SESTD1: variants seen among roughly 807,000 people sequenced by gnomAD.
SESTD1 encodes SEC14 and spectrin domain containing 1, also known as SEC14 domain and spectrin repeat-containing protein 1.
In SESTD1, 43 loss-of-function variants were observed where a neutral mutation model predicts 101.7. That is an observed-to-expected ratio of 0.42 (90% confidence interval 0.33 to 0.55). The LOEUF is 0.55. Ranked by LOEUF, SESTD1 falls within the 20% of genes least tolerant of loss-of-function variation. The pLI is 0.07. For synonymous variants in SESTD1, 283 were observed against 286.8 expected (o/e 0.99, Z 0.13); for missense variants, 647 against 815.1 (o/e 0.79, Z 2.51).
chr2:179,253,582 TA>T (rs1037873784), intron 1 of SESTD1, among the ~76,000 whole-genome samples: 13 of 151,996 alleles, frequency 8.6e-5, no homozygotes, highest in Non-Finnish European at 1.3e-4. Flanking sequence ...TTCCAAGAAG[TA>T]AAAAAAGTAA....
chr2:179,176,559 A>G (rs1300805636), intron 3 of SESTD1, 21 bp from the exon 4 acceptor site: 9 of 1,593,636 alleles, frequency 5.6e-6, no homozygotes, highest in African/African-American at 1.3e-5. Context: ...ATAAAATTAC[A>G]AAGCATTAAA....
intron 10 of SESTD1, among the ~76,000 whole-genome samples, chr2:179,128,890 A>C (rs1022820370): frequency 6.6e-6 from 1 of 152,186 alleles, no homozygotes; most frequent in Admixed American, 6.5e-5. Context: ...AAAAAACACC[A>C]ATATATGGGA....
chr2:179,216,997 G>A (rs1234223512), intron 1 of SESTD1, among the ~76,000 whole-genome samples: 1 of 151,796 alleles, frequency 6.6e-6, no homozygotes, highest in Non-Finnish European at 1.5e-5. Flanking sequence ...ATGGATTAAA[G>A]ACTTAAATGT....
rs931503102 is a variant in SESTD1, at chr2:179,106,238, G to C, written c.*3661C>G. ...AATATACTTAATGGTGCTTGTTTCT[G>C]CCTGTACCATTCCCTATAGGCTGAA... On this transcript the variant is annotated 3_prime_UTR_variant, in exon 18 of 18. Coordinates refer to ENST00000428443, the MANE Select transcript of SESTD1 (RefSeq NM_178123.5). The C allele has an allele frequency of 3.3e-5, 5 of 152,104 alleles. No homozygotes were observed. Among genetic ancestry groups the C allele is most frequent in the Admixed American group, 3.3e-4 (5 of 15,266 alleles). 9.4% of individuals were successfully genotyped at this position (152,104 alleles called of 1,614,324 possible).
rs764104779 is a variant in SESTD1 at position 179,151,320 on chromosome 2, C to G, written c.441G>C (p.Gly147=). The change falls in exon 6 of 18, where the codon GGG becomes GGC. Residue 147 remains glycine, a synonymous_variant. Coordinates refer to ENST00000428443, the MANE Select transcript of SESTD1 (RefSeq NM_178123.5). ...EPCQLTEDFG[G]SLTYDHMDWL... is the part of the protein sequence containing the mutation. The stretch of plus-strand genomic sequence containing the variant: ...AGTCCATGTGATCATAGGTGAGACT[C>G]CCACCAAAATCTTCTGTTAATTGGC... 5.0e-6 allele frequency: 8 copies of G among 1,608,284 alleles called. No individual in the cohort carries two copies. Among genetic ancestry groups the G allele is most frequent in the Non-Finnish European group, 6.8e-6 (8 of 1,177,574 alleles).
chr2:179,213,182 A>C (rs1022179615), intron 1 of SESTD1, among the ~76,000 whole-genome samples: 1 of 135,196 alleles, frequency 7.4e-6, no homozygotes, highest in African/African-American at 2.9e-5. Context: ...TTAGAAGGTC[A>C]GTAATAACAA....
At position 179,143,813 on chromosome 2, in the gene SESTD1, T is replaced by C. The variant is rs1172857872; in HGVS notation, c.638-10A>G. ...GACAACAATTCATGCCCTTTACAAATAAAAGATACTTGAAATTAATATCTG... is the reference window on the plus strand; with the variant it reads ...GACAACAATTCATGCCCTTTACAAACAAAAGATACTTGAAATTAATATCTG... On this transcript the variant is annotated splice_polypyrimidine_tract_variant and intron_variant, in intron 8 of 17. Transcript: ENST00000428443. 1.1e-5 allele frequency: 17 copies of C among 1,609,218 alleles called. No homozygotes were observed. In the East Asian group the frequency reaches 3.8e-4, roughly 36 times the overall value.
chr2:179,171,656 C>T (rs542895948), intron 5 of SESTD1, among the ~76,000 whole-genome samples: 2 of 152,112 alleles, frequency 1.3e-5, no homozygotes, highest in South Asian at 4.2e-4. Context: ...TGCACTATCA[C>T]ACAAGGAAAG....
At chr2:179,235,247 T>C (rs982287361) in intron 1 of SESTD1, among the ~76,000 whole-genome samples, 14 of 152,182 alleles carry the variant, frequency 9.2e-5, no homozygotes, top group African/African-American at 3.4e-4. Flanking sequence ...TAAAGGGACA[T>C]AAGTATTTAG....
intron 1 of SESTD1, among the ~76,000 whole-genome samples, chr2:179,195,352 C>T (rs906742913): frequency 6.6e-6 from 1 of 152,186 alleles, no homozygotes; most frequent in Non-Finnish European, 1.5e-5. Flanking sequence ...CTTCTCTCTC[C>T]TGCCACCCTG....
chr2:179,194,840 C>A (rs183745528), intron 1 of SESTD1, among the ~76,000 whole-genome samples: 2 of 152,182 alleles, frequency 1.3e-5, no homozygotes, highest in Admixed American at 1.3e-4. Flanking sequence ...TAATATGAAC[C>A]CCCAGAGCCC....
At chr2:179,177,382 CT>C (rs2046030007) in intron 3 of SESTD1, among the ~76,000 whole-genome samples, 1 of 152,132 alleles carries the variant, frequency 6.6e-6, no homozygotes, top group South Asian at 2.1e-4. Context: ...TACAGCTTTG[CT>C]TATCAGAGCA....
intron 1 of SESTD1, among the ~76,000 whole-genome samples, chr2:179,203,898 T>C (rs2105511725): frequency 7.4e-6 from 1 of 134,234 alleles, no homozygotes; most frequent in East Asian, 2.0e-4. Flanking sequence ...AAGATCCCTG[T>C]CTATAAAAAA....
chr2:179,155,615 CA>C (rs113359097), intron 5 of SESTD1, among the ~76,000 whole-genome samples: 6 of 142,562 alleles, frequency 4.2e-5, no homozygotes, highest in African/African-American at 1.3e-4. Context: ...GATTCTGTCT[CA>C]AAAAAAAAAC....
intron 5 of SESTD1, among the ~76,000 whole-genome samples, chr2:179,166,407 T>A (rs2045835659): frequency 6.6e-6 from 1 of 151,328 alleles, no homozygotes; most frequent in Non-Finnish European, 1.5e-5. Context: ...GGACTGAAAA[T>A]CCTGCTGACC....
chr2:179,193,286 G>C (rs926446635), intron 1 of SESTD1, among the ~76,000 whole-genome samples: 3 of 152,142 alleles, frequency 2.0e-5, no homozygotes, highest in African/African-American at 7.2e-5. Flanking sequence ...TGTCTTCAAA[G>C]AAAACAAGTT....
chr2:179,118,029 G>A (rs1049172229), intron 13 of SESTD1, among the ~76,000 whole-genome samples: 11 of 152,032 alleles, frequency 7.2e-5, no homozygotes, highest in African/African-American at 2.7e-4. Context: ...GGAGTGCAGT[G>A]GTACCATCAT....
intron 1 of SESTD1, among the ~76,000 whole-genome samples, chr2:179,202,472 G>A (rs1288278628): frequency 7.5e-6 from 1 of 134,130 alleles, no homozygotes; most frequent in Non-Finnish European, 1.6e-5. Context: ...GGCTTTTCTT[G>A]ATATGTCTAA....
intron 13 of SESTD1, among the ~76,000 whole-genome samples, chr2:179,119,139 C>T (rs1050471658): frequency 6.6e-6 from 1 of 152,160 alleles, no homozygotes. Context: ...AACAGGAAGT[C>T]ACTGAAGGAA....
Sources: allele counts gnomAD v4.1 joint callset (sites outside exome capture counted in the v4.1 genomes callset), GRCh38; gene constraint gnomAD v4.1.1; transcripts MANE v1.5; gene names NCBI Gene and HGNC (gene_info 2026-07-23, HGNC 2026-07-21).